Variants in STIL observed in about 807,000 individuals in gnomAD.
STIL encodes the protein SCL-interrupting locus protein.
In STIL, 55 loss-of-function variants were observed where a neutral mutation model predicts 110.1. That is an observed-to-expected ratio of 0.50 (90% CI 0.40 to 0.63). STIL has a LOEUF of 0.63. STIL is among the 20% of genes least tolerant of loss of function. The pLI, the probability that STIL is intolerant of heterozygous loss-of-function variation, is 0.00. For missense variants in STIL, 1,358 were observed against 1,530.0 expected, an observed-to-expected ratio of 0.89 and a Z score of 1.87; for synonymous variants, 481 against 530.0, an observed-to-expected ratio of 0.91 and a Z score of 1.27.
chr1:47,279,226 T>C (rs1375139107), intron 12 of STIL, among the ~76,000 whole-genome samples: 1 of 144,736 alleles, frequency 6.9e-6, no homozygotes, highest in Non-Finnish European at 1.5e-5. Flanking sequence ...GAGCTTGCAG[T>C]GAGCCGAGAT....
chr1:47,290,073 T>C (rs573717994), intron 8 of STIL, among the ~76,000 whole-genome samples: 5 of 152,060 alleles, frequency 3.3e-5, no homozygotes, highest in African/African-American at 1.2e-4. Context: ...TAGCAAAGGA[T>C]CTAAAACTAA....
chr1:47,254,540 G>GT lies in STIL; in HGVS notation c.3081-2619dup, dbSNP rs199571064. ...CAGGTCTAATTTGGGTTTTTTTTTT[G>GT]TTTTTTTTGAGACAAGGTCTCACTC... On this transcript the variant is annotated intron_variant, in intron 16 of 16. Coordinates refer to ENST00000371877, the MANE Select transcript of STIL (RefSeq NM_001048166.1). 7.4e-3 allele frequency among the ~76,000 whole-genome samples: 1,078 copies of GT among 145,874 alleles called. 12 individuals carry two copies. Among genetic ancestry groups the GT allele is most frequent in the African/African-American group, 0.026 (1,011 of 38,780 alleles).
At chr1:47,266,600 T>C (rs1644660955) in intron 14 of STIL, among the ~76,000 whole-genome samples, 2 of 152,222 alleles carry the variant, frequency 1.3e-5, no homozygotes, top group South Asian at 4.1e-4. Flanking sequence ...CAAATTAACC[T>C]CTTTAAACTG....
At chr1:47,255,622 T>C (rs1348844080) in intron 16 of STIL, among the ~76,000 whole-genome samples, 1 of 151,698 alleles carries the variant, frequency 6.6e-6, no homozygotes, top group Admixed American at 6.6e-5. Flanking sequence ...CTACTACTTA[T>C]CCTACACAGT....
In STIL at chr1:47,281,270, T is replaced by C. The variant is rs1361527873; in HGVS notation, c.1249-61A>G. ...TTTTTGGAGAAACTGTATACTTTAC[T>C]TTCCTCAGACCAGTATTTCCCAAAT... On this transcript the variant is annotated intron_variant, in intron 11 of 16. Transcript: ENST00000371877. The C allele has an allele frequency of 3.3e-6, 5 of 1,507,396 alleles. No individual in the cohort carries two copies. The East Asian group carries it at 1.2e-4, about 36-fold the overall frequency. The allele number at this position is 1,507,396 out of a possible 1,614,324, so 93.4% of individuals were successfully genotyped here.
intron 10 of STIL, 175 bp from the exon 11 acceptor site, chr1:47,282,634 T>C: frequency 1.7e-6 from 1 of 581,216 alleles, no homozygotes; most frequent in Non-Finnish European, 3.1e-6. Context: ...CCAGGGAAGC[T>C]GGACCAGCCA....
At chr1:47,278,008 C>T (rs1474061204) in intron 12 of STIL, among the ~76,000 whole-genome samples, 4 of 152,070 alleles carry the variant, frequency 2.6e-5, no homozygotes, top group African/African-American at 9.7e-5. Flanking sequence ...GTACCACAGC[C>T]CACTCTCTTA....
rs765997891 is a variant in STIL, at chr1:47,251,862, A to T, written c.3141T>A (p.Ala1047=). The change falls in exon 17 of 17, where the codon GCT becomes GCA. Residue 1047 remains alanine, a synonymous_variant. Transcript: ENST00000371877. ...VISGLNCMSF[A]NVGMSGLSPN... ...GGCTTAAGCCGCTCATGCCAACATT[A>T]GCAAATGACATGCAGTTTAATCCAG... The T allele has an allele frequency of 3.1e-6, 5 of 1,608,188 alleles. No individual in the cohort carries two copies. The South Asian group carries it at 5.6e-5, about 18-fold the overall frequency.
chr1:47,281,280 C>T, intron 11 of STIL, 71 bp from the exon 12 acceptor site: 1 of 1,382,654 alleles, frequency 7.2e-7, no homozygotes, highest in South Asian at 1.4e-5. Context: ...TTTCCTCAGA[C>T]CAGTATTTCC....
chr1:47,272,623 CAT>C (rs1242731734), intron 12 of STIL, among the ~76,000 whole-genome samples: 2 of 151,886 alleles, frequency 1.3e-5, no homozygotes, highest in Admixed American at 6.6e-5. Context: ...TTAATTTTCA[CAT>C]GTTTTGTAGA....
intron 13 of STIL, among the ~76,000 whole-genome samples, chr1:47,271,736 G>A (rs1055932183): frequency 1.3e-5 from 2 of 151,732 alleles, no homozygotes; most frequent in Non-Finnish European, 2.9e-5. Context: ...AACCTAGGAT[G>A]GTGGAGGTTG....
At chr1:47,261,853 A>T (rs1644496290) in intron 15 of STIL, among the ~76,000 whole-genome samples, 1 of 151,656 alleles carries the variant, frequency 6.6e-6, no homozygotes, top group African/African-American at 2.4e-5. Context: ...CAGAGGTTAC[A>T]GTGAGCTGAG....
At chr1:47,293,632 A>G (rs917699217) in intron 7 of STIL, 88 bp from the exon 8 acceptor site, 11 of 1,096,992 alleles carry the variant, frequency 1.0e-5, no homozygotes, top group Non-Finnish European at 1.4e-5. Context: ...AAGTAGACGT[A>G]TGGCTTTTAT....
At chr1:47,309,378 C>T (rs1324400487) in intron 2 of STIL, among the ~76,000 whole-genome samples, 1 of 151,962 alleles carries the variant, frequency 6.6e-6, no homozygotes, top group Admixed American at 6.6e-5. Context: ...GCGATCTGCC[C>T]ACCTCAGCCT....
chr1:47,289,584 C>A lies in STIL; in HGVS notation c.874G>T (p.Val292Phe). The change falls in exon 9 of 17, where the codon GTT becomes TTT. Residue 292 changes from valine to phenylalanine, a missense_variant and splice_region_variant. Coordinates refer to ENST00000371877, the MANE Select transcript of STIL (RefSeq NM_001048166.1). ...ATGAAATTTCCAGATTCTGAAAAAA[C>A]CCTGCACAAAAAAAGTCATTTAATT... ...YIFNSSVQER[V>F]FSESGNFIIV... is the part of the protein sequence containing the mutation. 11 of 1,612,806 alleles carry A rather than the reference C, an allele frequency of 6.8e-6. No homozygotes were observed. The highest frequency in any genetic ancestry group is 9.3e-6 in the Non-Finnish European group (11 of 1,179,084).
intron 1 of STIL, 122 bp from the exon 2 acceptor site, chr1:47,310,484 A>G: frequency 1.7e-6 from 1 of 589,976 alleles, no homozygotes; most frequent in Non-Finnish European, 3.0e-6. Flanking sequence ...ACTATAGATT[A>G]ATAAGATTAA....
chr1:47,270,049 C>G (rs1291016366), intron 13 of STIL, among the ~76,000 whole-genome samples, 183 bp from the exon 14 acceptor site: 1 of 151,750 alleles, frequency 6.6e-6, no homozygotes. Context: ...CCAGCCTGGG[C>G]AACATGGAGA....
chr1:47,288,875 C>T (rs1645384686), intron 9 of STIL, among the ~76,000 whole-genome samples: 5 of 137,204 alleles, frequency 3.6e-5, no homozygotes, highest in Non-Finnish European at 7.8e-5. Flanking sequence ...GGTGAAACTC[C>T]CTCTCTAATG....
chr1:47,269,600 A>C (rs745814361), intron 14 of STIL, 35 bp downstream of exon 14: 2 of 1,595,478 alleles, frequency 1.3e-6, no homozygotes, highest in Non-Finnish European at 1.7e-6. Flanking sequence ...TTTTTTTTGA[A>C]AGTAGGATGA....
Sources: allele counts gnomAD v4.1 joint callset (sites outside exome capture counted in the v4.1 genomes callset), GRCh38; gene constraint gnomAD v4.1.1; transcripts MANE v1.5; gene names NCBI Gene and HGNC (gene_info 2026-07-23, HGNC 2026-07-21).